USH2A: variants seen among roughly 807,000 people sequenced by gnomAD.
USH2A encodes Usher syndrome 2A (autosomal recessive, mild).
A neutral mutation model predicts 538.9 loss-of-function variants in USH2A; 443 were observed. The ratio of observed to expected loss-of-function variants is 0.82; its 90% CI spans 0.76 to 0.89. The LOEUF is 0.89. Ranked by LOEUF, USH2A falls within the 40% of genes least tolerant of loss-of-function variation. The probability of loss-of-function intolerance (pLI) is 0.00; values close to 1 mark genes in which losing one functional copy is unlikely to be tolerated. For synonymous variants in USH2A, 2,413 were observed against 2,273.5 expected (o/e 1.06, Z -1.75); for missense variants, 6,633 against 6,324.8 (o/e 1.05, Z -1.65).
chr1:216,123,871 C>T (rs2033187420), intron 21 of USH2A, among the ~76,000 whole-genome samples: 1 of 152,140 alleles, frequency 6.6e-6, no homozygotes, highest in African/African-American at 2.4e-5. Context: ...ATGACTTGTA[C>T]TGAATAGAAC....
At chr1:215,640,221 G>T (rs1203808983) in intron 68 of USH2A, among the ~76,000 whole-genome samples, 4 of 152,146 alleles carry the variant, frequency 2.6e-5, no homozygotes, top group African/African-American at 4.8e-5. Flanking sequence ...GTTGCTAGAA[G>T]TGTATTATTT....
intron 34 of USH2A, among the ~76,000 whole-genome samples, chr1:215,998,628 G>C (rs888374280): frequency 6.6e-6 from 1 of 152,014 alleles, no homozygotes; most frequent in Non-Finnish European, 1.5e-5. Context: ...TGAAAATCTT[G>C]ATAATCCCAA....
intron 23 of USH2A, 125 bp downstream of exon 23, chr1:216,088,888 C>A (rs995216802): frequency 2.1e-6 from 3 of 1,435,464 alleles, no homozygotes; most frequent in Non-Finnish European, 2.9e-6. Flanking sequence ...GCAAATTCAA[C>A]AGCAATATAT....
chr1:216,263,605 G>T (rs1202297226), intron 11 of USH2A, among the ~76,000 whole-genome samples: 1 of 152,070 alleles, frequency 6.6e-6, no homozygotes, highest in Non-Finnish European at 1.5e-5. Context: ...AAATTAGTAT[G>T]GAAGAAATGT....
intron 60 of USH2A, 126 bp downstream of exon 60, chr1:215,741,249 C>CAA: frequency 5.9e-6 from 7 of 1,178,532 alleles, no homozygotes; most frequent in East Asian, 2.5e-5. Flanking sequence ...CAAAACAAAA[C>CAA]AAAAAAAAAC....
At chr1:215,913,650 G>A (rs1046308891) in intron 38 of USH2A, among the ~76,000 whole-genome samples, 1 of 152,068 alleles carries the variant, frequency 6.6e-6, no homozygotes. Context: ...GGCACAGATG[G>A]TGGTGGCTAC....
At chr1:215,832,875 T>G (rs927404897) in intron 47 of USH2A, among the ~76,000 whole-genome samples, 8 of 151,966 alleles carry the variant, frequency 5.3e-5, no homozygotes, top group Non-Finnish European at 2.9e-5. Context: ...GCAAGTTTGC[T>G]GGATGTAAGC....
rs749286172 is a variant in USH2A at position 215,640,652 on chromosome 1, G to T, written c.14874C>A (p.Asn4958Lys). 1.2e-6 allele frequency: 2 copies of T among 1,613,876 alleles called. No homozygotes were observed. Among genetic ancestry groups the T allele is most frequent in the Admixed American group, 3.3e-5 (2 of 60,004 alleles). ...CVNWSDTFLL[N>K]GQLKEYVLTD... Reference sequence around the variant, plus strand: ...TTAACACGTACTCCTTCAGTTGGCCGTTCAGGAGGAAGGTGTCACTCCAGT... The same window carrying T: ...TTAACACGTACTCCTTCAGTTGGCCTTTCAGGAGGAAGGTGTCACTCCAGT... The change falls in exon 68 of 72, where the codon AAC (asparagine) becomes AAA (lysine). Residue 4958 changes from asparagine to lysine, a missense_variant. Physicochemically the swap from Asn to Lys is moderately conservative, Grantham distance 94. Coordinates refer to ENST00000307340, the MANE Select transcript of USH2A (RefSeq NM_206933.4).
intron 20 of USH2A, among the ~76,000 whole-genome samples, chr1:216,184,039 C>CTAA (rs1350985292): frequency 8.6e-5 from 13 of 151,994 alleles, no homozygotes; most frequent in Non-Finnish European, 1.9e-4. Context: ...TTCACTGATG[C>CTAA]TAAGACACAC....
Position 216,327,716 on chromosome 1 carries a change from G to A in USH2A, c.785-62C>T. 3 of 1,576,684 alleles carry A rather than the reference G, an allele frequency of 1.9e-6. No homozygotes were observed. The South Asian group carries it at 3.3e-5, about 17-fold the overall frequency. On this transcript the variant is annotated intron_variant, in intron 4 of 71. Transcript: ENST00000307340. ...CTGTTTACCAAGCAATACCTGACAAGTATTTAAGTGATATTCCTTTGAAGA... is the reference window on the plus strand; with the variant it reads ...CTGTTTACCAAGCAATACCTGACAAATATTTAAGTGATATTCCTTTGAAGA...
At chr1:215,958,160 A>G (rs1178835563) in intron 37 of USH2A, among the ~76,000 whole-genome samples, 3 of 152,172 alleles carry the variant, frequency 2.0e-5, no homozygotes, top group Non-Finnish European at 2.9e-5. Flanking sequence ...TGTAATTTTT[A>G]TAAAACACAG....
chr1:216,376,702 A>T (rs2038828225), intron 3 of USH2A, among the ~76,000 whole-genome samples: 2 of 152,204 alleles, frequency 1.3e-5, no homozygotes, highest in South Asian at 4.1e-4. Context: ...GCCAAAGTAT[A>T]CCAAGAGATG....
chr1:216,200,884 G>A (rs959791702), intron 16 of USH2A, among the ~76,000 whole-genome samples: 3 of 151,910 alleles, frequency 2.0e-5, no homozygotes, highest in African/African-American at 7.3e-5. Context: ...TTGGAGATGC[G>A]AGGAGGGTTC....
Position 215,838,087 on chromosome 1 carries a change from A to G in USH2A, c.9275T>C (p.Ile3092Thr), listed in dbSNP as rs373286445. The G allele has an allele frequency of 9.9e-6, 16 of 1,613,870 alleles. No individual in the cohort carries two copies. In the South Asian group the frequency reaches 1.3e-4, roughly 13 times the overall value. The change falls in exon 47 of 72, where the codon ATA becomes ACA. Residue 3092 changes from isoleucine (I) to threonine (T), a missense_variant. Transcript: ENST00000307340. Reference protein sequence around the residue: ...IYDIQVEVCTIYACVKSNGTQ... With the variant: ...IYDIQVEVCTTYACVKSNGTQ... ...TCCATTGCTTTTCACGCAGGCATAT[A>G]TTGTGCAGACTTCAACCTGCAAACA... is the stretch of plus-strand genomic sequence containing the variant.
At position 215,623,842 on chromosome 1, in the gene USH2A, C is replaced by CA. The variant is rs1363019798; in HGVS notation, c.*1938dup. 3 of 152,028 alleles carry CA rather than the reference C, an allele frequency of 2.0e-5. No individual in the cohort carries two copies. Among genetic ancestry groups the CA allele is most frequent in the South Asian group, 4.1e-4 (2 of 4,826 alleles). The allele number at this position is 152,028 out of a possible 1,614,324, so 9.4% of individuals were successfully genotyped here. A position where few individuals can be genotyped will look rare whatever the true frequency, so the allele number is the denominator to read the frequency against. ...AATTTTTCAAAAATCAGGATAAACTCAATCTTCTGAACCTAGCAAAGCATA... is the reference window on the plus strand; with the variant it reads ...AATTTTTCAAAAATCAGGATAAACTCAAATCTTCTGAACCTAGCAAAGCATA... On this transcript the variant is annotated 3_prime_UTR_variant, in exon 72 of 72. Transcript: ENST00000307340.
intron 20 of USH2A, among the ~76,000 whole-genome samples, chr1:216,178,765 A>G (rs910163959): frequency 6.6e-6 from 1 of 152,154 alleles, no homozygotes; most frequent in Admixed American, 6.6e-5. Context: ...TACGGTAACC[A>G]CTAGCCTTAT....
intron 20 of USH2A, among the ~76,000 whole-genome samples, chr1:216,186,367 A>T (rs964420585): frequency 2.0e-5 from 3 of 151,886 alleles, no homozygotes; most frequent in Non-Finnish European, 2.9e-5. Flanking sequence ...ATTTTAGGTC[A>T]CATTTCTCTT....
chr1:215,664,906 A>G (rs1467215353), intron 64 of USH2A, among the ~76,000 whole-genome samples: 1 of 152,182 alleles, frequency 6.6e-6, no homozygotes, highest in East Asian at 1.9e-4. Context: ...AATATTTGTT[A>G]TTTAAAGCCA....
At chr1:216,360,279 A>G (rs1021220701) in intron 4 of USH2A, among the ~76,000 whole-genome samples, 5 of 152,172 alleles carry the variant, frequency 3.3e-5, no homozygotes, top group Non-Finnish European at 5.9e-5. Context: ...TCTTACATGC[A>G]TATTACTCAG....
Sources: allele counts gnomAD v4.1 joint callset (sites outside exome capture counted in the v4.1 genomes callset), GRCh38; gene constraint gnomAD v4.1.1; transcripts MANE v1.5; gene names NCBI Gene and HGNC (gene_info 2026-07-23, HGNC 2026-07-21).